Variants in TSPAN5 observed in about 807,000 individuals in gnomAD.
The protein encoded by TSPAN5 is tetraspanin-5.
In TSPAN5, 10 loss-of-function variants were observed where a neutral mutation model predicts 37.1. That is an observed-to-expected ratio of 0.27 (90% CI 0.17 to 0.46). TSPAN5 has a LOEUF of 0.46. Ranked by LOEUF, TSPAN5 falls within the 20% of genes least tolerant of loss-of-function variation. TSPAN5 has a pLI of 1.00. For synonymous variants in TSPAN5, 110 were observed against 118.9 expected (o/e 0.93, Z 0.48); for missense variants, 195 against 326.6 (o/e 0.60, Z 3.11).
At chr4:98,563,925 C>T (rs1754938634) in intron 1 of TSPAN5, among the ~76,000 whole-genome samples, 1 of 152,110 alleles carries the variant, frequency 6.6e-6, no homozygotes, top group Non-Finnish European at 1.5e-5. Flanking sequence ...CAGTCCCCAC[C>T]ACAAAGAATT....
chr4:98,488,098 T>C (rs1753012389), intron 2 of TSPAN5, among the ~76,000 whole-genome samples: 1 of 152,124 alleles, frequency 6.6e-6, no homozygotes, highest in African/African-American at 2.4e-5. Context: ...CAGGAAGCAA[T>C]CATCTGATTT....
intron 2 of TSPAN5, among the ~76,000 whole-genome samples, chr4:98,493,133 C>T (rs4699637): frequency 0.44 from 67,311 of 152,010 alleles, 15,127 homozygotes; most frequent in Admixed American, 0.51. Context: ...GCCATGATCA[C>T]ATCACTGCAC....
chr4:98,540,313 G>A (rs997370293), intron 1 of TSPAN5, among the ~76,000 whole-genome samples: 1 of 152,014 alleles, frequency 6.6e-6, no homozygotes, highest in African/African-American at 2.4e-5. Flanking sequence ...GAAGAAGATG[G>A]GATGGGCTAA....
chr4:98,579,079 T>C (rs1434436698), intron 1 of TSPAN5, among the ~76,000 whole-genome samples: 1 of 152,096 alleles, frequency 6.6e-6, no homozygotes, highest in African/African-American at 2.4e-5. Flanking sequence ...CTCTGGTGGG[T>C]GGCTGTCCTC....
At chr4:98,532,436 T>G (rs550437078) in intron 1 of TSPAN5, among the ~76,000 whole-genome samples, 1 of 152,358 alleles carries the variant, frequency 6.6e-6, no homozygotes, top group East Asian at 1.9e-4. Context: ...CTAGGTATTT[T>G]ATTCTCTTTG....
At chr4:98,599,007 T>C (rs1195465531) in intron 1 of TSPAN5, among the ~76,000 whole-genome samples, 3 of 152,028 alleles carry the variant, frequency 2.0e-5, no homozygotes, top group Non-Finnish European at 4.4e-5. Context: ...CTTCAAAAAA[T>C]CTCCAAGAGC....
At chr4:98,490,661 G>A (rs905835599) in intron 2 of TSPAN5, among the ~76,000 whole-genome samples, 2 of 152,184 alleles carry the variant, frequency 1.3e-5, no homozygotes, top group South Asian at 4.1e-4. Flanking sequence ...GTAGTTATCA[G>A]TTGAAAACTA....
At chr4:98,532,895 T>C (rs60026821) in intron 1 of TSPAN5, among the ~76,000 whole-genome samples, 1 of 152,088 alleles carries the variant, frequency 6.6e-6, no homozygotes, top group Non-Finnish European at 1.5e-5. Context: ...GTTTTTAGCA[T>C]GAAGGAGTGT....
intron 1 of TSPAN5, among the ~76,000 whole-genome samples, chr4:98,570,067 A>G (rs991724284): frequency 1.3e-5 from 2 of 152,192 alleles, no homozygotes; most frequent in African/African-American, 4.8e-5. Flanking sequence ...AGAGAGAGAG[A>G]ACAAAACTTT....
chr4:98,503,832 T>C (rs1753412569), intron 2 of TSPAN5, among the ~76,000 whole-genome samples: 1 of 152,114 alleles, frequency 6.6e-6, no homozygotes, highest in Non-Finnish European at 1.5e-5. Context: ...AATGAATGAG[T>C]TGACTGTCAC....
intron 1 of TSPAN5, among the ~76,000 whole-genome samples, chr4:98,627,916 T>C (rs1220851056): frequency 6.6e-6 from 1 of 152,164 alleles, no homozygotes; most frequent in African/African-American, 2.4e-5. Flanking sequence ...AAAGAACAGA[T>C]TGACATAGAT....
intron 1 of TSPAN5, among the ~76,000 whole-genome samples, chr4:98,568,680 G>T (rs1578998743): frequency 6.6e-6 from 1 of 152,330 alleles, no homozygotes; most frequent in Non-Finnish European, 1.5e-5. Context: ...GAGGAAAGGA[G>T]ATGGTGAGTG....
intron 7 of TSPAN5, among the ~76,000 whole-genome samples, chr4:98,475,533 T>C (rs1752671892): frequency 6.6e-6 from 1 of 152,230 alleles, no homozygotes; most frequent in Non-Finnish European, 1.5e-5. Context: ...TACTTCTAAC[T>C]ATGCATGTTT....
intron 1 of TSPAN5, among the ~76,000 whole-genome samples, chr4:98,564,372 T>C (rs1390903974): frequency 2.6e-5 from 4 of 152,226 alleles, no homozygotes; most frequent in Non-Finnish European, 5.9e-5. Context: ...CATAGCCTCC[T>C]ACGAATATAA....
intron 1 of TSPAN5, among the ~76,000 whole-genome samples, chr4:98,519,930 G>C (rs558006742): frequency 6.6e-6 from 1 of 152,206 alleles, no homozygotes; most frequent in Non-Finnish European, 1.5e-5. Context: ...AATCTATCTC[G>C]TGGGGTCATT....
intron 1 of TSPAN5, among the ~76,000 whole-genome samples, chr4:98,518,293 C>T: frequency 6.6e-6 from 1 of 152,168 alleles, no homozygotes; most frequent in East Asian, 1.9e-4. Flanking sequence ...TTATATCATT[C>T]AACTTATTTA....
chr4:98,575,895 C>T (rs544792322), intron 1 of TSPAN5, among the ~76,000 whole-genome samples: 1 of 151,932 alleles, frequency 6.6e-6, no homozygotes, highest in South Asian at 2.1e-4. Flanking sequence ...ATGGTGAAAC[C>T]CCATCTCTAC....
chr4:98,561,339 C>T (rs1396102800), intron 1 of TSPAN5, among the ~76,000 whole-genome samples: 2 of 152,216 alleles, frequency 1.3e-5, no homozygotes, highest in East Asian at 1.9e-4. Context: ...CACCTGAGGT[C>T]GGGAGTTCAA....
At chr4:98,522,242 C>T (rs751784986) in intron 1 of TSPAN5, among the ~76,000 whole-genome samples, 14 of 152,170 alleles carry the variant, frequency 9.2e-5, no homozygotes, top group Non-Finnish European at 1.8e-4. Context: ...TGTTAGAATT[C>T]AGAAAGCTTC....
Sources: gnomAD v4.1 joint callset for allele counts (sites outside exome capture counted in the v4.1 genomes callset) on GRCh38, gnomAD v4.1.1 for gene constraint, MANE v1.5 for transcripts, NCBI Gene and HGNC (gene_info 2026-07-23, HGNC 2026-07-21) for gene names.